The following SYT9 variants were observed in gnomAD, a reference collection of about 807,000 sequenced individuals.
SYT9 encodes the protein synaptotagmin 9.
A neutral mutation model predicts 48.4 loss-of-function variants in SYT9; 22 were observed. That is an observed-to-expected ratio of 0.45 (90% CI 0.32 to 0.65). The LOEUF (loss-of-function observed/expected upper bound fraction) is 0.65. SYT9 is among the 30% of genes least tolerant of loss of function. SYT9 has a pLI of 0.03. For synonymous variants in SYT9, 265 were observed against 245.0 expected, an observed-to-expected ratio of 1.08 and a Z score of -0.76; for missense variants, 577 against 622.0, an observed-to-expected ratio of 0.93 and a Z score of 0.77.
chr11:7,402,307 G>T (rs1381532199), intron 3 of SYT9, among the ~76,000 whole-genome samples: 1 of 151,958 alleles, frequency 6.6e-6, no homozygotes, highest in Non-Finnish European at 1.5e-5. Context: ...TTGTAGGATG[G>T]AGTATTGATG....
intron 6 of SYT9, chr11:7,438,131 A>T (rs1268900731): frequency 6.6e-6 from 1 of 152,170 alleles, no homozygotes; most frequent in Non-Finnish European, 1.5e-5. Context: ...CAAATTTTGT[A>T]TAGATGGGAG....
chr11:7,304,333 T>C (rs1848996174), intron 2 of SYT9, among the ~76,000 whole-genome samples: 1 of 152,206 alleles, frequency 6.6e-6, no homozygotes, highest in South Asian at 2.1e-4. Context: ...TCTAAATCAC[T>C]GGATATAAAA....
chr11:7,251,864 C>T (rs1847873015), upstream of SYT9: 2 of 241,720 alleles, frequency 8.3e-6, no homozygotes, highest in East Asian at 7.9e-5. Flanking sequence ...CCCCGCCCCC[C>T]GGCGGCCGCG....
intron 2 of SYT9, among the ~76,000 whole-genome samples, chr11:7,307,317 T>A (rs1014543717): frequency 4.6e-5 from 7 of 152,236 alleles, no homozygotes; most frequent in African/African-American, 1.7e-4. Context: ...GGTGAGAACA[T>A]TGGTTCAATG....
At chr11:7,440,789 G>C (rs1343305426) in intron 6 of SYT9, 1 of 152,228 alleles carries the variant, frequency 6.6e-6, no homozygotes, top group Non-Finnish European at 1.5e-5. Context: ...CTAGCCATGA[G>C]TGCAGAGAAT....
intron 1 of SYT9, among the ~76,000 whole-genome samples, chr11:7,285,760 A>G (rs1848584602): frequency 1.3e-5 from 2 of 152,222 alleles, no homozygotes; most frequent in African/African-American, 4.8e-5. Context: ...CATTGGGAAA[A>G]TACACCCATT....
intron 3 of SYT9, among the ~76,000 whole-genome samples, chr11:7,405,309 C>T (rs754799581): frequency 6.6e-6 from 1 of 152,116 alleles, no homozygotes; most frequent in African/African-American, 2.4e-5. Context: ...CAGTAACACA[C>T]CCTCCTCCAC....
intron 3 of SYT9, among the ~76,000 whole-genome samples, chr11:7,364,564 C>G (rs1398232860): frequency 6.6e-6 from 1 of 152,050 alleles, no homozygotes; most frequent in Non-Finnish European, 1.5e-5. Flanking sequence ...GGACTGAACC[C>G]CAGATTTGTT....
chr11:7,401,076 C>G (rs1484034433), intron 3 of SYT9, among the ~76,000 whole-genome samples: 1 of 151,852 alleles, frequency 6.6e-6, no homozygotes, highest in Non-Finnish European at 1.5e-5. Flanking sequence ...AATTTATAGT[C>G]AAGAATGATG....
rs71059104 is a variant in SYT9 at position 7,391,735 on chromosome 11, T to TAAAAA, written c.1045-24281_1045-24277dup. 7.4e-3 allele frequency among the ~76,000 whole-genome samples: 265 copies of TAAAAA among 35,926 alleles called. 15 individuals carry two copies. Among genetic ancestry groups the TAAAAA allele is most frequent in the African/African-American group, 0.022 (234 of 10,690 alleles). 23.6% of individuals were successfully genotyped at this position (35,926 alleles called of 152,430 possible). On this transcript the variant is annotated intron_variant, in intron 3 of 6. Transcript: ENST00000318881. ...GGACAACATGGTAAAACCCCATCTC[T>TAAAAA]AAAAAAAAAAAAAAAAAAAAAAAAA...
intron 1 of SYT9, among the ~76,000 whole-genome samples, chr11:7,271,686 C>T (rs1848298986): frequency 6.6e-6 from 1 of 152,174 alleles, no homozygotes; most frequent in African/African-American, 2.4e-5. Context: ...ATGCCATTCT[C>T]CTGCCTCAGC....
chr11:7,444,805 A>AT (rs1220446568), intron 6 of SYT9, among the ~76,000 whole-genome samples: 1 of 152,000 alleles, frequency 6.6e-6, no homozygotes, highest in Non-Finnish European at 1.5e-5. Context: ...GGAGTTTGTG[A>AT]TTTTCCAAAG....
chr11:7,295,435 C>T (rs1169570979), intron 1 of SYT9, among the ~76,000 whole-genome samples: 1 of 152,196 alleles, frequency 6.6e-6, no homozygotes, highest in Non-Finnish European at 1.5e-5. Flanking sequence ...CTTCATTCCT[C>T]TCTGAGACTT....
intron 3 of SYT9, among the ~76,000 whole-genome samples, chr11:7,384,596 G>T (rs567330644): frequency 6.6e-6 from 1 of 152,248 alleles, no homozygotes; most frequent in South Asian, 2.1e-4. Flanking sequence ...CCTCTCACCA[G>T]GTTCACTGAA....
chr11:7,373,610 T>A (rs1850402101), intron 3 of SYT9, among the ~76,000 whole-genome samples: 1 of 152,118 alleles, frequency 6.6e-6, no homozygotes, highest in Non-Finnish European at 1.5e-5. Context: ...AGGGTGTACC[T>A]AGGGCAGCAA....
chr11:7,427,857 A>G (rs1733247912), intron 6 of SYT9: 1 of 152,248 alleles, frequency 6.6e-6, no homozygotes, highest in Admixed American at 6.5e-5. Flanking sequence ...TTAGGATCTG[A>G]AAAACATTAA....
intron 1 of SYT9, among the ~76,000 whole-genome samples, chr11:7,286,497 C>G (rs903293063): frequency 6.6e-6 from 1 of 152,202 alleles, no homozygotes; most frequent in Admixed American, 6.5e-5. Context: ...CTCTGACATG[C>G]CTTGGAGACA....
chr11:7,434,214 G>T lies in SYT9; in HGVS notation c.1467+13579G>T, dbSNP rs146303657. 2.3e-4 allele frequency among the ~76,000 whole-genome samples: 35 copies of T among 152,314 alleles called. No homozygotes were observed. In the East Asian group the frequency reaches 6.6e-3, roughly 29 times the overall value. ...AGGTGCTTTAGAGAATTATCGGCTT[G>T]CAGTAATAAGAGAAATGTCTGGGCT... On this transcript the variant is annotated intron_variant, in intron 6 of 6. Coordinates refer to ENST00000318881, the MANE Select transcript of SYT9 (RefSeq NM_175733.4).
intron 6 of SYT9, among the ~76,000 whole-genome samples, chr11:7,446,506 C>T (rs780090139): frequency 6.6e-6 from 1 of 152,190 alleles, no homozygotes; most frequent in Non-Finnish European, 1.5e-5. Flanking sequence ...TCCTCCTGTC[C>T]AGTGATCTCC....
Sources: gnomAD v4.1 joint callset for allele counts (sites outside exome capture counted in the v4.1 genomes callset) on GRCh38, gnomAD v4.1.1 for gene constraint, MANE v1.5 for transcripts, NCBI Gene and HGNC (gene_info 2026-07-23, HGNC 2026-07-21) for gene names.